The following PRKD1 variants were observed in gnomAD, a reference collection of about 807,000 sequenced individuals.
PRKD1 encodes the protein protein kinase D1, also known as serine/threonine-protein kinase D1.
PRKD1 carries 63 observed loss-of-function variants against 95.9 expected under a neutral mutation model. The ratio of observed to expected loss-of-function variants is 0.66; its 90% confidence interval spans 0.54 to 0.81. The LOEUF (loss-of-function observed/expected upper bound fraction) is 0.81. PRKD1 is among the 30% of genes least tolerant of loss of function. The pLI, the probability that PRKD1 is intolerant of heterozygous loss-of-function variation, is 0.00. For synonymous variants in PRKD1, 425 were observed against 423.1 expected, an observed-to-expected ratio of 1.00 and a Z score of -0.05; for missense variants, 1,048 against 1,165.3, an observed-to-expected ratio of 0.90 and a Z score of 1.47.
intron 13 of PRKD1, among the ~76,000 whole-genome samples, chr14:29,620,387 C>T (rs1310818099): frequency 6.7e-6 from 1 of 149,434 alleles, no homozygotes; most frequent in African/African-American, 2.5e-5. Flanking sequence ...AGTGAACAGG[C>T]AACCTACAAA....
intron 13 of PRKD1, among the ~76,000 whole-genome samples, chr14:29,620,382 A>G (rs1022257458): frequency 1.3e-5 from 2 of 149,864 alleles, no homozygotes; most frequent in African/African-American, 4.9e-5. Flanking sequence ...ATCAGAGTGA[A>G]CAGGCAACCT....
chr14:29,610,647 A>G (rs1044447788), intron 13 of PRKD1, among the ~76,000 whole-genome samples: 6 of 152,242 alleles, frequency 3.9e-5, no homozygotes, highest in Admixed American at 1.3e-4. Flanking sequence ...TTAATATACT[A>G]TCATACTTCT....
chr14:29,739,413 G>T (rs765940536), intron 1 of PRKD1, among the ~76,000 whole-genome samples: 6 of 151,676 alleles, frequency 4.0e-5, no homozygotes, highest in Non-Finnish European at 8.8e-5. Context: ...AAATCTGATT[G>T]TTTAAAAAAC....
At chr14:29,897,136 GTC>G (rs1245805638) in intron 1 of PRKD1, among the ~76,000 whole-genome samples, 1 of 151,674 alleles carries the variant, frequency 6.6e-6, no homozygotes, top group Non-Finnish European at 1.5e-5. Context: ...CATTTTATAA[GTC>G]TATTTTATAA....
chr14:29,743,733 C>T (rs1887087751), intron 1 of PRKD1, among the ~76,000 whole-genome samples: 1 of 152,202 alleles, frequency 6.6e-6, no homozygotes, highest in African/African-American at 2.4e-5. Context: ...TGCCCAACCT[C>T]TACTCTCAAA....
chr14:29,820,658 G>C (rs1483666776), intron 1 of PRKD1, among the ~76,000 whole-genome samples: 2 of 152,180 alleles, frequency 1.3e-5, no homozygotes, highest in Non-Finnish European at 2.9e-5. Context: ...TGGGAATATG[G>C]ATAATGGGGA....
chr14:29,857,771 A>G (rs1351007058), intron 1 of PRKD1, among the ~76,000 whole-genome samples: 3 of 152,198 alleles, frequency 2.0e-5, no homozygotes, highest in African/African-American at 7.2e-5. Context: ...GCGAGGGGAA[A>G]CAGGGGAAGT....
At position 29,635,055 on chromosome 14, in the gene PRKD1, G is replaced by C. The variant is rs45449898; in HGVS notation, c.1191-514C>G. On this transcript the variant is annotated intron_variant, in intron 7 of 17. Coordinates refer to ENST00000331968, the MANE Select transcript of PRKD1 (RefSeq NM_002742.3). ...TCTGAAAAAAAAAAAAATTCCCAAG[G>C]CTGGGTAATAAGCACCTCATATTTT... 5.3e-3 allele frequency among the ~76,000 whole-genome samples: 800 copies of C among 151,942 alleles called. 5 individuals carry two copies. Among genetic ancestry groups the C allele is most frequent in the African/African-American group, 0.018 (756 of 41,442 alleles).
intron 4 of PRKD1, among the ~76,000 whole-genome samples, chr14:29,639,183 G>C (rs1316234759): frequency 6.6e-6 from 1 of 151,996 alleles, no homozygotes; most frequent in Admixed American, 6.6e-5. Flanking sequence ...CTTTAAAAAA[G>C]TGGTTTTAAT....
At chr14:29,644,868 TATAA>T (rs1447843910) in intron 4 of PRKD1, among the ~76,000 whole-genome samples, 55 of 152,108 alleles carry the variant, frequency 3.6e-4, no homozygotes, top group Middle Eastern at 3.2e-3. Flanking sequence ...ATACCTCATG[TATAA>T]ATAAACTATA....
At chr14:29,618,441 A>G (rs1879017639) in intron 13 of PRKD1, among the ~76,000 whole-genome samples, 1 of 152,026 alleles carries the variant, frequency 6.6e-6, no homozygotes, top group Non-Finnish European at 1.5e-5. Flanking sequence ...TTTTTAGTAG[A>G]CATGGGGTTT....
In PRKD1 at chr14:29,663,148, C is replaced by CATATATATATATATATATAT. The variant is rs61506580; in HGVS notation, c.696+531_696+550dup. Among the ~76,000 whole-genome samples the CATATATATATATATATATAT allele has an allele frequency of 1.0e-3, 132 of 131,616 alleles. 2 individuals carry two copies. Among genetic ancestry groups the CATATATATATATATATATAT allele is most frequent in the Middle Eastern group, 4.1e-3 (1 of 244 alleles). 86.3% of individuals were successfully genotyped at this position (131,616 alleles called of 152,430 possible). A position where few individuals can be genotyped will look rare whatever the true frequency, so the allele number is the denominator to read the frequency against. ...CTTATGGATATAGTTAATATTCTTC[C>CATATATATATATATATATAT]ATATATATATATATATATATATTCT... On this transcript the variant is annotated intron_variant, in intron 4 of 17. Transcript: ENST00000331968.
intron 2 of PRKD1, among the ~76,000 whole-genome samples, chr14:29,715,113 AAAGT>A (rs962281654): frequency 2.6e-5 from 4 of 152,174 alleles, no homozygotes; most frequent in African/African-American, 9.7e-5. Flanking sequence ...TATAATTTAA[AAAGT>A]AAATAAATAA....
At chr14:29,844,782 A>C (rs760618507) in intron 1 of PRKD1, among the ~76,000 whole-genome samples, 11 of 152,190 alleles carry the variant, frequency 7.2e-5, no homozygotes, top group Non-Finnish European at 1.3e-4. Context: ...AGAAGCTTAT[A>C]CCAAGTTGTT....
At chr14:29,759,597 A>T (rs945203480) in intron 1 of PRKD1, among the ~76,000 whole-genome samples, 2 of 152,192 alleles carry the variant, frequency 1.3e-5, no homozygotes, top group African/African-American at 4.8e-5. Context: ...CAATTTAGTG[A>T]TTCTTGGATT....
Position 29,607,522 on chromosome 14 carries a change from G to C in PRKD1, c.1906-7705C>G, listed in dbSNP as rs184085386. 2.0e-5 allele frequency among the ~76,000 whole-genome samples: 3 copies of C among 152,230 alleles called. No individual in the cohort carries two copies. In the East Asian group the frequency reaches 5.8e-4, roughly 29 times the overall value. On this transcript the variant is annotated intron_variant, in intron 13 of 17. Coordinates refer to ENST00000331968, the MANE Select transcript of PRKD1 (RefSeq NM_002742.3). ...AGAATCCAGTTATTTGGGCTGCAGG[G>C]GTGAAGTCCCCGTTTCCTCGCTGGC...
chr14:29,699,823 A>G (rs2139322366), intron 2 of PRKD1, among the ~76,000 whole-genome samples: 1 of 152,304 alleles, frequency 6.6e-6, no homozygotes, highest in South Asian at 2.1e-4. Context: ...ATTTTTATAC[A>G]CAAATATATC....
chr14:29,768,636 T>C (rs1031422617), intron 1 of PRKD1, among the ~76,000 whole-genome samples: 1 of 151,990 alleles, frequency 6.6e-6, no homozygotes, highest in Non-Finnish European at 1.5e-5. Flanking sequence ...GTTCACCCAC[T>C]ATTTCCAAAT....
chr14:29,728,007 T>C (rs1886245277), intron 1 of PRKD1, among the ~76,000 whole-genome samples: 1 of 151,124 alleles, frequency 6.6e-6, no homozygotes, highest in Non-Finnish European at 1.5e-5. Flanking sequence ...CTGGGGACTG[T>C]TGTGGGGTGG....
Sources: allele counts gnomAD v4.1 joint callset (sites outside exome capture counted in the v4.1 genomes callset), GRCh38; gene constraint gnomAD v4.1.1; transcripts MANE v1.5; gene names NCBI Gene and HGNC (gene_info 2026-07-23, HGNC 2026-07-21).